The following SLC4A4 variants were observed in gnomAD, a reference collection of about 807,000 sequenced individuals.
SLC4A4 encodes solute carrier family 4 member 4.
Under a neutral mutation model 111.5 loss-of-function variants are expected in SLC4A4, and 27 were observed. That is an observed-to-expected ratio of 0.24 (90% CI 0.18 to 0.33). The LOEUF (loss-of-function observed/expected upper bound fraction) is 0.33, where lower values mean the gene tolerates loss of function less well. SLC4A4 is among the 10% of genes least tolerant of loss of function. SLC4A4 has a pLI of 1.00. For missense variants in SLC4A4, 909 were observed against 1,315.5 expected (o/e 0.69, Z 4.78); for synonymous variants, 443 against 463.4 (o/e 0.96, Z 0.57).
intron 16 of SLC4A4, among the ~76,000 whole-genome samples, chr4:71,508,909 T>A (rs1731656304): frequency 6.6e-6 from 1 of 152,154 alleles, no homozygotes. Flanking sequence ...TCCACCACGA[T>A]CAAGTAGGCT....
At chr4:71,147,266 T>A (rs1744201393) in intron 2 of SLC4A4, among the ~76,000 whole-genome samples, 1 of 152,128 alleles carries the variant, frequency 6.6e-6, no homozygotes, top group African/African-American at 2.4e-5. Flanking sequence ...TTCAAATTTC[T>A]CCTCTTAAAT....
At chr4:71,108,408 A>C (rs139000352) in intron 2 of SLC4A4, among the ~76,000 whole-genome samples, 37 of 152,306 alleles carry the variant, frequency 2.4e-4, no homozygotes, top group African/African-American at 8.7e-4. Context: ...TTTGCTGCAT[A>C]TAGGATTCTT....
chr4:71,529,362 C>T (rs949869890), intron 16 of SLC4A4, among the ~76,000 whole-genome samples: 3 of 151,932 alleles, frequency 2.0e-5, no homozygotes, highest in South Asian at 2.1e-4. Flanking sequence ...CAGTATTATA[C>T]CTTAAATAAT....
rs1160261816 is a variant in SLC4A4 at position 71,373,746 on chromosome 4, A to G, written c.730+16559A>G. Among the ~76,000 whole-genome samples the G allele has an allele frequency of 3.3e-5, 5 of 152,226 alleles. No individual in the cohort carries two copies. The East Asian group carries it at 9.6e-4, about 29-fold the overall frequency. ...GAATCAGTTAGGAGATGATTTCAGT[A>G]GACCAGTGCTGGAAAAAGGATTTAA... On this transcript the variant is annotated intron_variant, in intron 6 of 25. Coordinates refer to ENST00000264485, the MANE Select transcript of SLC4A4 (RefSeq NM_001098484.3).
At chr4:71,479,430 C>G (rs186977025) in intron 14 of SLC4A4, among the ~76,000 whole-genome samples, 1 of 151,722 alleles carries the variant, frequency 6.6e-6, no homozygotes, top group South Asian at 2.1e-4. Flanking sequence ...TATTAATAAG[C>G]GCTGTGCAAC....
At chr4:71,415,048 A>G (rs1225626807) in intron 7 of SLC4A4, among the ~76,000 whole-genome samples, 1 of 152,222 alleles carries the variant, frequency 6.6e-6, no homozygotes, top group East Asian at 1.9e-4. Context: ...GTTGCACTGA[A>G]CCACCCATGC....
chr4:71,413,225 A>G (rs1235111140), intron 7 of SLC4A4, among the ~76,000 whole-genome samples: 2 of 152,196 alleles, frequency 1.3e-5, no homozygotes, highest in Non-Finnish European at 2.9e-5. Context: ...CTACAGATTT[A>G]ATTATAGCTA....
intron 1 of SLC4A4, among the ~76,000 whole-genome samples, chr4:71,076,199 G>A (rs1200911745): frequency 6.6e-6 from 1 of 151,996 alleles, no homozygotes; most frequent in East Asian, 1.9e-4. Context: ...TCTTAGTCCC[G>A]AGAATGTTAT....
chr4:71,540,812 G>T (rs1428924541), intron 18 of SLC4A4, among the ~76,000 whole-genome samples: 1 of 152,222 alleles, frequency 6.6e-6, no homozygotes, highest in Middle Eastern at 3.4e-3. Flanking sequence ...CCTATCCAAA[G>T]ATATGAGCAA....
chr4:71,292,730 GA>G (rs1413327685), intron 3 of SLC4A4, among the ~76,000 whole-genome samples: 1 of 150,270 alleles, frequency 6.7e-6, no homozygotes, highest in Admixed American at 6.6e-5. Flanking sequence ...AAATAGGCGG[GA>G]AAAAATGAGA....
At chr4:71,470,458 A>T (rs1241356628) in intron 13 of SLC4A4, among the ~76,000 whole-genome samples, 1 of 152,084 alleles carries the variant, frequency 6.6e-6, no homozygotes, top group Non-Finnish European at 1.5e-5. Flanking sequence ...ATGGGGAATC[A>T]TGCTACAATT....
chr4:71,215,152 C>CA (rs1357486402), intron 1 of SLC4A4, among the ~76,000 whole-genome samples: 1 of 152,208 alleles, frequency 6.6e-6, no homozygotes, highest in African/African-American at 2.4e-5. Flanking sequence ...TGTTGGATCA[C>CA]AAATGTCATT....
intron 12 of SLC4A4, among the ~76,000 whole-genome samples, chr4:71,457,955 G>A (rs1251063287): frequency 6.6e-6 from 1 of 151,990 alleles, no homozygotes; most frequent in Non-Finnish European, 1.5e-5. Flanking sequence ...TATGAAATAC[G>A]TTATACTATA....
At chr4:71,271,887 A>G (rs908438359) in intron 3 of SLC4A4, among the ~76,000 whole-genome samples, 3 of 152,354 alleles carry the variant, frequency 2.0e-5, no homozygotes, top group Middle Eastern at 3.4e-3. Context: ...TGAACATTTA[A>G]TGATCACAAC....
intron 2 of SLC4A4, among the ~76,000 whole-genome samples, chr4:71,099,044 G>C (rs576832195): frequency 1.3e-5 from 2 of 152,228 alleles, no homozygotes; most frequent in East Asian, 3.9e-4. Context: ...GTATTAGATA[G>C]ATCATTGACG....
intron 1 of SLC4A4, among the ~76,000 whole-genome samples, chr4:71,201,912 A>T (rs1746273537): frequency 6.6e-6 from 1 of 152,190 alleles, no homozygotes; most frequent in Admixed American, 6.5e-5. Context: ...TGGTGGATAA[A>T]AGTTTTAGGA....
chr4:71,552,283 T>C (rs1736060233), intron 20 of SLC4A4, among the ~76,000 whole-genome samples: 1 of 151,854 alleles, frequency 6.6e-6, no homozygotes, highest in East Asian at 1.9e-4. Flanking sequence ...AATTTGAAAC[T>C]AGGCCTGTCT....
At chr4:71,351,096 G>C (rs779315752) in intron 5 of SLC4A4, among the ~76,000 whole-genome samples, 1 of 152,212 alleles carries the variant, frequency 6.6e-6, no homozygotes. Flanking sequence ...AGCATGATGA[G>C]TTAGCATTCA....
At chr4:71,348,690 A>AT (rs1342842813) in intron 4 of SLC4A4, among the ~76,000 whole-genome samples, 2 of 151,802 alleles carry the variant, frequency 1.3e-5, no homozygotes, top group Non-Finnish European at 2.9e-5. Flanking sequence ...AACATTCTAA[A>AT]TTTTCTTTGA....
Sources: allele counts gnomAD v4.1 joint callset (sites outside exome capture counted in the v4.1 genomes callset), GRCh38; gene constraint gnomAD v4.1.1; transcripts MANE v1.5; gene names NCBI Gene and HGNC (gene_info 2026-07-23, HGNC 2026-07-21).